The following PCDHGB6 variants were observed in gnomAD, a reference collection of about 807,000 sequenced individuals.
PCDHGB6 encodes the protein protocadherin gamma-B6.
PCDHGB6 carries 51 observed loss-of-function variants against 59.1 expected under a neutral mutation model. The ratio of observed to expected loss-of-function variants is 0.86; its 90% CI spans 0.69 to 1.09. PCDHGB6 has a LOEUF of 1.09. Ranked by LOEUF, PCDHGB6 falls within the 50% of genes least tolerant of loss-of-function variation. PCDHGB6 has a pLI of 0.00. For missense variants in PCDHGB6, 1,148 were observed against 1,205.1 expected (o/e 0.95, Z 0.70); for synonymous variants, 466 against 495.1 (o/e 0.94, Z 0.78).
chr5:141,464,911 T>G (rs2099093002), intron 1 of PCDHGB6, among the ~76,000 whole-genome samples: 1 of 151,718 alleles, frequency 6.6e-6, no homozygotes, highest in Non-Finnish European at 1.5e-5. Context: ...GCTAATTTTT[T>G]TATTTTTTTG....
chr5:141,508,171 A>G (rs1364776681), intron 3 of PCDHGB6: 2 of 152,406 alleles, frequency 1.3e-5, no homozygotes, highest in African/African-American at 4.8e-5. Context: ...AGGCTGGCAC[A>G]GGAGAGAAGG....
intron 1 of PCDHGB6, chr5:141,426,927 A>G (rs1480193041): frequency 2.2e-6 from 1 of 456,634 alleles, no homozygotes; most frequent in African/African-American, 2.0e-5. Flanking sequence ...AGCAATGGAC[A>G]TGGGTGACCC....
chr5:141,481,676 G>T (rs975849679), intron 1 of PCDHGB6, among the ~76,000 whole-genome samples: 1 of 152,028 alleles, frequency 6.6e-6, no homozygotes, highest in Non-Finnish European at 1.5e-5. Flanking sequence ...AAATCAGGCC[G>T]GGCCTGGTGG....
chr5:141,489,283 G>A lies in PCDHGB6; in HGVS notation c.2419-5524G>A. The A allele has an allele frequency of 6.4e-7, 1 of 1,569,594 alleles. No homozygotes were observed. Among genetic ancestry groups the A allele is most frequent in the Admixed American group, 1.8e-5 (1 of 55,646 alleles). ...CCCACAGCTCGCTGGGAAATGGCAA[G>A]TGCTGTGCATGTTGTCCTTGTGCTG... On this transcript the variant is annotated intron_variant, in intron 1 of 3. Coordinates refer to ENST00000520790, the MANE Select transcript of PCDHGB6 (RefSeq NM_018926.3). This position sits in a 1 kb window ranked among gnomAD's most constrained non-coding sequence, Gnocchi z 4.5.
At chr5:141,424,982 G>T (rs2096852076) in intron 1 of PCDHGB6, among the ~76,000 whole-genome samples, 1 of 152,106 alleles carries the variant, frequency 6.6e-6, no homozygotes, top group South Asian at 2.1e-4. Context: ...GGATATTTAT[G>T]TTCCCTTTCA....
intron 2 of PCDHGB6, among the ~76,000 whole-genome samples, chr5:141,497,332 A>G (rs537994715): frequency 6.6e-6 from 1 of 152,024 alleles, no homozygotes; most frequent in Non-Finnish European, 1.5e-5. Context: ...AGAATTCACC[A>G]TTGAACCTGG....
chr5:141,414,965 C>T lies in PCDHGB6; in HGVS notation c.2418+4345C>T, dbSNP rs564450666. On this transcript the variant is annotated intron_variant, in intron 1 of 3. Coordinates refer to ENST00000520790, the MANE Select transcript of PCDHGB6 (RefSeq NM_018926.3). ...GGCTACCTGGTGACCAAGGTGGTGG[C>T]GGTGGACAGAGACTCCGGCCAGAAC... The T allele has an allele frequency of 7.9e-5, 127 of 1,613,962 alleles. No homozygotes were observed. The highest frequency in any genetic ancestry group is 7.7e-5 in the Non-Finnish European group (91 of 1,180,046).
intron 1 of PCDHGB6, chr5:141,413,097 C>T (rs531228946): frequency 1.4e-6 from 2 of 1,447,922 alleles, no homozygotes; most frequent in African/African-American, 1.4e-5. Flanking sequence ...CACCCTGAAG[C>T]CACAGAAAGA....
chr5:141,428,056 C>T (rs2097104330), intron 1 of PCDHGB6: 3 of 1,609,000 alleles, frequency 1.9e-6, no homozygotes, highest in African/African-American at 1.3e-5. Flanking sequence ...AAGGTGGTGG[C>T]GGTGGACGCA....
chr5:141,423,744 A>T, intron 1 of PCDHGB6: 4 of 429,458 alleles, frequency 9.3e-6, no homozygotes, highest in Non-Finnish European at 8.7e-6. Context: ...TGTTATGAAA[A>T]CTGTTTGGGG....
chr5:141,465,781 T>G (rs2099109506), intron 1 of PCDHGB6, among the ~76,000 whole-genome samples: 1 of 150,278 alleles, frequency 6.7e-6, no homozygotes, highest in Non-Finnish European at 1.5e-5. Context: ...TTGTTACAGT[T>G]TTTTTTTTTT....
At position 141,409,758 on chromosome 5, in the gene PCDHGB6, C is replaced by A. The variant is rs763902801; in HGVS notation, c.1556C>A (p.Ala519Asp). Reference sequence around the variant, plus strand: ...AGCGGGGTGGTGTTCGCGCAGCGCGCCTTTGATCACGAGCAGCTGCGCGCC... The same window carrying A: ...AGCGGGGTGGTGTTCGCGCAGCGCGACTTTGATCACGAGCAGCTGCGCGCC... Reference protein sequence around the residue: ...AQSGVVFAQRAFDHEQLRAFA... With the variant: ...AQSGVVFAQRDFDHEQLRAFA... The change falls in exon 1 of 4, where the codon GCC (alanine) becomes GAC (aspartate). Residue 519 changes from alanine to aspartate, a missense_variant. By Grantham distance (126) the Ala-to-Asp change is moderately radical (BLOSUM62 -2). Transcript: ENST00000520790. 4 of 1,612,868 alleles carry A rather than the reference C, an allele frequency of 2.5e-6. No homozygotes were observed. In the African/African-American group the frequency reaches 4.0e-5, roughly 16 times the overall value.
At position 141,414,543 on chromosome 5, in the gene PCDHGB6, C is replaced by T. The variant is rs369387885; in HGVS notation, c.2418+3923C>T. The T allele has an allele frequency of 5.0e-6, 8 of 1,613,880 alleles. No individual in the cohort carries two copies. The African/African-American group carries it at 1.1e-4, about 22-fold the overall frequency. ...ATATCAATGACAACCCACCTACCTT[C>T]TCTCAAGTCTCCTACTTTACCTATA... On this transcript the variant is annotated intron_variant, in intron 1 of 3. Transcript: ENST00000520790.
In PCDHGB6 at chr5:141,491,801, G is replaced by C; in HGVS notation, c.2419-3006G>C. 1 of 1,500,844 alleles carries C rather than the reference G, an allele frequency of 6.7e-7. No individual in the cohort carries two copies. Among genetic ancestry groups the C allele is most frequent in the Non-Finnish European group, 8.9e-7 (1 of 1,125,292 alleles). The allele number at this position is 1,500,844 out of a possible 1,614,324, so 93.0% of individuals were successfully genotyped here. The stretch of plus-strand genomic sequence containing the variant: ...AACTTGCATCCACTCCTCTCCGGCC[G>C]GCTTGGTCGCTGGCTGCGCTCCACC... On this transcript the variant is annotated intron_variant, in intron 1 of 3. Coordinates refer to ENST00000520790, the MANE Select transcript of PCDHGB6 (RefSeq NM_018926.3). The surrounding 1 kb of genome is among the most constrained non-coding windows in gnomAD (Gnocchi z 6.9).
At chr5:141,448,200 T>C (rs2098574351) in intron 1 of PCDHGB6, among the ~76,000 whole-genome samples, 1 of 152,156 alleles carries the variant, frequency 6.6e-6, no homozygotes, top group Non-Finnish European at 1.5e-5. Context: ...CTTACAAACA[T>C]TTTCTGTGTG....
chr5:141,479,521 T>A (rs4912607), intron 1 of PCDHGB6: 2 of 152,104 alleles, frequency 1.3e-5, no homozygotes, highest in Non-Finnish European at 2.9e-5. Context: ...CTGGCCCAGG[T>A]TGGAAGTGGA....
chr5:141,493,052 T>G lies in PCDHGB6; in HGVS notation c.2419-1755T>G, dbSNP rs1362566525. 6.6e-6 allele frequency among the ~76,000 whole-genome samples: 1 copy of G among 152,104 alleles called. No individual in the cohort carries two copies. The highest frequency in any genetic ancestry group is 2.4e-5 in the African/African-American group (1 of 41,416). Reference sequence around the variant, plus strand: ...CTTATGTGTGAGGAAACTACAATAGTAAAAAACACAAGTTTCTCCAACTCC... The same window carrying G: ...CTTATGTGTGAGGAAACTACAATAGGAAAAAACACAAGTTTCTCCAACTCC... On this transcript the variant is annotated intron_variant, in intron 1 of 3. Coordinates refer to ENST00000520790, the MANE Select transcript of PCDHGB6 (RefSeq NM_018926.3). This position sits in a 1 kb window ranked among gnomAD's most constrained non-coding sequence, Gnocchi z 4.3.
At position 141,494,885 on chromosome 5, in the gene PCDHGB6, G is replaced by T; in HGVS notation, c.2477+20G>T. The T allele has an allele frequency of 6.8e-6, 11 of 1,614,082 alleles. No homozygotes were observed. The highest frequency in any genetic ancestry group is 8.5e-6 in the Non-Finnish European group (10 of 1,179,992). Reference sequence around the variant, plus strand: ...CAGCGGGTAGGTGACTGATTCTCCAGCCCACCCTCTTCTCTGCGGCATTTT... The same window carrying T: ...CAGCGGGTAGGTGACTGATTCTCCATCCCACCCTCTTCTCTGCGGCATTTT... On this transcript the variant is annotated intron_variant, in intron 2 of 3. Transcript: ENST00000520790.
At chr5:141,415,266 G>T in intron 1 of PCDHGB6, 1 of 1,614,218 alleles carries the variant, frequency 6.2e-7, no homozygotes, top group Non-Finnish European at 8.5e-7. Flanking sequence ...CTCTGTACCT[G>T]GTGGTAGCGG....
Sources: gnomAD v4.1 joint callset for allele counts (sites outside exome capture counted in the v4.1 genomes callset) on GRCh38, gnomAD v4.1.1 for gene constraint, Gnocchi (gnomAD v3.1) non-coding constraint, MANE v1.5 for transcripts, NCBI Gene and HGNC (gene_info 2026-07-23, HGNC 2026-07-21) for gene names.